The following CLIC4 variants were observed in gnomAD, a reference collection of about 807,000 sequenced individuals.
CLIC4 encodes the protein chloride intracellular channel protein 4.
CLIC4 carries 13 observed loss-of-function variants against 24.6 expected under a neutral mutation model. The observed-to-expected ratio is 0.53, with a 90% CI of 0.34 to 0.84. CLIC4 has a LOEUF of 0.84. CLIC4 is among the 40% of genes least tolerant of loss of function. CLIC4 has a pLI of 0.01. For missense variants in CLIC4, 227 were observed against 301.7 expected (o/e 0.75, Z 1.83); for synonymous variants, 104 against 111.3 (o/e 0.93, Z 0.41).
chr1:24,823,688 C>T (rs1052096234), intron 3 of CLIC4, among the ~76,000 whole-genome samples: 5 of 150,194 alleles, frequency 3.3e-5, no homozygotes, highest in Admixed American at 2.0e-4. Flanking sequence ...GCAGGAGAAT[C>T]GCTTGAAACC....
At chr1:24,826,139 G>A (rs1639785033) in intron 3 of CLIC4, among the ~76,000 whole-genome samples, 1 of 152,164 alleles carries the variant, frequency 6.6e-6, no homozygotes. Context: ...ATACATTTTT[G>A]TGTGTGTTTT....
chr1:24,783,703 A>G (rs191621775), intron 1 of CLIC4, among the ~76,000 whole-genome samples: 13 of 152,262 alleles, frequency 8.5e-5, no homozygotes, highest in Non-Finnish European at 5.9e-5. Flanking sequence ...AGTCTGTCTC[A>G]AAAAAATAAA....
chr1:24,791,252 A>G (rs1639330365), intron 1 of CLIC4, among the ~76,000 whole-genome samples: 1 of 152,200 alleles, frequency 6.6e-6, no homozygotes, highest in East Asian at 1.9e-4. Context: ...CTGGGTATAG[A>G]ATAAACGTAT....
At chr1:24,794,939 TTGAATA>T (rs1639382059) in intron 1 of CLIC4, among the ~76,000 whole-genome samples, 1 of 152,204 alleles carries the variant, frequency 6.6e-6, no homozygotes, top group East Asian at 1.9e-4. Flanking sequence ...GCACCATTGA[TTGAATA>T]TGGAGTCTTT....
intron 2 of CLIC4, among the ~76,000 whole-genome samples, chr1:24,801,186 A>G (rs534370576): frequency 6.6e-6 from 1 of 152,346 alleles, no homozygotes; most frequent in East Asian, 1.9e-4. Flanking sequence ...TTTTAAAACT[A>G]TTAGTCTGTT....
intron 3 of CLIC4, among the ~76,000 whole-genome samples, chr1:24,822,579 C>G (rs568219702): frequency 9.2e-5 from 14 of 151,746 alleles, no homozygotes; most frequent in African/African-American, 3.4e-4. Flanking sequence ...TCAAGTGATC[C>G]GACCTCCTTG....
chr1:24,770,920 G>T (rs560605632), intron 1 of CLIC4, among the ~76,000 whole-genome samples: 2 of 152,210 alleles, frequency 1.3e-5, no homozygotes, highest in African/African-American at 2.4e-5. Flanking sequence ...CTTCTGATTG[G>T]CTGGTTAGAG....
At chr1:24,771,662 TTC>T (rs767760835) in intron 1 of CLIC4, among the ~76,000 whole-genome samples, 4 of 152,196 alleles carry the variant, frequency 2.6e-5, no homozygotes, top group Non-Finnish European at 5.9e-5. Context: ...ATTAAATATT[TTC>T]TGTTATTGTG....
At position 24,756,796 on chromosome 1, in the gene CLIC4, C is replaced by T. The variant is rs190224989; in HGVS notation, c.72+11171C>T. 1.6e-3 allele frequency among the ~76,000 whole-genome samples: 243 copies of T among 152,216 alleles called. 1 individual carries two copies. The highest frequency in any genetic ancestry group is 5.5e-3 in the African/African-American group (227 of 41,560). On this transcript the variant is annotated intron_variant, in intron 1 of 5. Transcript: ENST00000374379. ...AGTGCAGTGGCGTGATCTTGGCTCA[C>T]TGCAACCTCCGCCTCCCGGGTTCAA...
chr1:24,771,172 T>C (rs1358948246), intron 1 of CLIC4, among the ~76,000 whole-genome samples: 2 of 152,196 alleles, frequency 1.3e-5, no homozygotes, highest in East Asian at 1.9e-4. Context: ...ATAAATACTT[T>C]GGAATACAAC....
intron 1 of CLIC4, among the ~76,000 whole-genome samples, chr1:24,785,002 T>TG (rs1639249375): frequency 2.0e-5 from 1 of 49,582 alleles, no homozygotes; most frequent in Non-Finnish European, 4.5e-5. Context: ...AGACTCTGTC[T>TG]CAAAAAAAAA....
intron 1 of CLIC4, 40 bp from the exon 2 acceptor site, chr1:24,797,702 C>T (rs2124131749): frequency 7.1e-7 from 1 of 1,403,298 alleles, no homozygotes; most frequent in East Asian, 2.3e-5. Flanking sequence ...TGAGTATCAT[C>T]ACTTTGACCT....
intron 1 of CLIC4, among the ~76,000 whole-genome samples, chr1:24,770,223 T>C (rs774508863): frequency 6.6e-5 from 10 of 152,044 alleles, no homozygotes; most frequent in Non-Finnish European, 1.2e-4. Context: ...AAAAATCATA[T>C]ACTAATTTGT....
At position 24,797,838 on chromosome 1, in the gene CLIC4, G is replaced by C; in HGVS notation, c.169G>C (p.Val57Leu). 1 of 1,610,940 alleles carries C rather than the reference G, an allele frequency of 6.2e-7. No individual in the cohort carries two copies. The highest frequency in any genetic ancestry group is 8.5e-7 in the Non-Finnish European group (1 of 1,178,402). Reference protein sequence around the residue: ...LKGVVFSVTTVDLKRKPADLQ... With the variant: ...LKGVVFSVTTLDLKRKPADLQ... Reference sequence around the variant, plus strand: ...AGGAGTTGTATTTAGTGTGACGACTGTTGACCTGAAAAGGTAAGACATGGT... The same window carrying C: ...AGGAGTTGTATTTAGTGTGACGACTCTTGACCTGAAAAGGTAAGACATGGT... Residue 57 changes from valine to leucine, a missense_variant, in exon 2 of 6, where the codon GTT (valine) becomes CTT (leucine). Coordinates refer to ENST00000374379, the MANE Select transcript of CLIC4 (RefSeq NM_013943.3).
chr1:24,760,665 C>A (rs1638915964), intron 1 of CLIC4, among the ~76,000 whole-genome samples: 1 of 151,978 alleles, frequency 6.6e-6, no homozygotes, highest in African/African-American at 2.4e-5. Flanking sequence ...GTTCTTCTTT[C>A]ATTCATTTAT....
chr1:24,784,499 T>C (rs1372669701), intron 1 of CLIC4, among the ~76,000 whole-genome samples: 1 of 152,202 alleles, frequency 6.6e-6, no homozygotes, highest in Non-Finnish European at 1.5e-5. Context: ...GAGATTTGTC[T>C]TCAATAAGGT....
At chr1:24,755,458 A>G (rs1638835072) in intron 1 of CLIC4, among the ~76,000 whole-genome samples, 1 of 149,260 alleles carries the variant, frequency 6.7e-6, no homozygotes, top group African/African-American at 2.5e-5. Flanking sequence ...AAAAAAAATT[A>G]GTCTGGTGTG....
intron 1 of CLIC4, among the ~76,000 whole-genome samples, chr1:24,767,024 T>TAAAAAAAA (rs34142565): frequency 4.2e-5 from 3 of 71,062 alleles, no homozygotes; most frequent in African/African-American, 1.4e-4. Context: ...GCTGATGAGC[T>TAAAAAAAA]AAAAAAAAAA....
In CLIC4 at chr1:24,745,585, A is replaced by G. The variant is rs201694229; in HGVS notation, c.32A>G (p.Lys11Arg). Residue 11 changes from lysine to arginine, a missense_variant, in exon 1 of 6, where the codon AAG becomes AGG. Transcript: ENST00000374379. MALSMPLNGL[K>R]EEDKEPLIEL... ...TTGTCGATGCCGCTGAATGGGCTGA[A>G]GGAGGAGGACAAAGAGCCCCTCATC... 50 of 1,592,034 alleles carry G rather than the reference A, an allele frequency of 3.1e-5. No homozygotes were observed. Among genetic ancestry groups the G allele is most frequent in the African/African-American group, 1.4e-4 (10 of 73,106 alleles).
Sources: gnomAD v4.1 joint callset for allele counts (sites outside exome capture counted in the v4.1 genomes callset) on GRCh38, gnomAD v4.1.1 for gene constraint, MANE v1.5 for transcripts, NCBI Gene and HGNC (gene_info 2026-07-23, HGNC 2026-07-21) for gene names.